Variants in VGLL4 observed in about 807,000 individuals in gnomAD.
VGLL4 encodes the protein transcription cofactor vestigial-like protein 4.
VGLL4 carries 7 observed loss-of-function variants against 21.0 expected under a neutral mutation model. That is an observed-to-expected ratio of 0.33 (90% CI 0.19 to 0.63). The LOEUF is 0.63. Among genes scored for constraint, VGLL4 ranks in the 20% least tolerant of loss-of-function variants. VGLL4 has a pLI of 0.78. For missense variants in VGLL4, 394 were observed against 425.7 expected (o/e 0.93, Z 0.66); for synonymous variants, 222 against 173.2 (o/e 1.28, Z -2.21).
chr3:11,601,791 C>G (rs1321021322), intron 2 of VGLL4, 42 bp downstream of exon 2: 2 of 1,606,516 alleles, frequency 1.2e-6, no homozygotes, highest in African/African-American at 1.3e-5. Context: ...AAGGCCCCAG[C>G]ACGGAGCACC....
intron 2 of VGLL4, among the ~76,000 whole-genome samples, chr3:11,674,290 G>C (rs2076259077): frequency 6.6e-6 from 1 of 152,110 alleles, no homozygotes; most frequent in African/African-American, 2.4e-5. Flanking sequence ...ACAGCACATG[G>C]GAGAAAAGTG....
intron 1 of VGLL4, among the ~76,000 whole-genome samples, chr3:11,713,590 A>ATC (rs1553747940): frequency 1.4e-5 from 2 of 139,116 alleles, no homozygotes; most frequent in Admixed American, 1.5e-4. Context: ...ATATATATAT[A>ATC]TCTGCATAAA....
At chr3:11,675,575 G>C (rs952407012) in intron 2 of VGLL4, among the ~76,000 whole-genome samples, 2 of 152,020 alleles carry the variant, frequency 1.3e-5, no homozygotes, top group African/African-American at 2.4e-5. Context: ...AAATATAAAA[G>C]TGTAATATAT....
upstream of VGLL4, among the ~76,000 whole-genome samples, chr3:11,648,401 T>A (rs2075823257): frequency 6.6e-6 from 1 of 152,210 alleles, no homozygotes; most frequent in South Asian, 2.1e-4. Flanking sequence ...TTTAGATGCT[T>A]TTAAAGTAAG....
At chr3:11,624,635 T>A (rs931028312) in intron 1 of VGLL4, among the ~76,000 whole-genome samples, 1 of 152,176 alleles carries the variant, frequency 6.6e-6, no homozygotes, top group African/African-American at 2.4e-5. Context: ...CTGCCTTCTA[T>A]TCCTATAAGG....
At chr3:11,630,443 G>C (rs1332644917) in intron 1 of VGLL4, among the ~76,000 whole-genome samples, 2 of 152,138 alleles carry the variant, frequency 1.3e-5, no homozygotes, top group South Asian at 4.1e-4. Flanking sequence ...TCAGGACTTC[G>C]AAACCAGCCT....
Position 11,568,833 on chromosome 3 carries a change from CTGAG to C in VGLL4, c.273-3818_273-3815del. ...CATCCCCGCGAACACCCAAAGGACT[CTGAG>C]TGGCTCCGTGCCAGGCCTATCAGAG... On this transcript the variant is annotated intron_variant, in intron 2 of 4. Transcript: ENST00000430365. This position sits in a 1 kb window ranked among gnomAD's most constrained non-coding sequence, Gnocchi z 5.9. 1 of 1,409,488 alleles carries C rather than the reference CTGAG, an allele frequency of 7.1e-7. No individual in the cohort carries two copies. The highest frequency in any genetic ancestry group is 2.7e-5 in the East Asian group (1 of 37,384). The allele number at this position is 1,409,488 out of a possible 1,614,324, so 87.3% of individuals were successfully genotyped here.
intron 2 of VGLL4, chr3:11,582,209 G>T (rs2074246621): frequency 1.1e-5 from 16 of 1,515,428 alleles, no homozygotes; most frequent in Non-Finnish European, 1.4e-5. Context: ...ATTAATTACA[G>T]CTGAAAATAC....
intron 2 of VGLL4, among the ~76,000 whole-genome samples, chr3:11,594,386 T>C (rs183891612): frequency 1.1e-4 from 16 of 152,340 alleles, no homozygotes; most frequent in Admixed American, 5.2e-4. Flanking sequence ...CTACCTAGTG[T>C]AAAGGGTCAC....
At chr3:11,596,666 G>T (rs1346090517) in intron 2 of VGLL4, among the ~76,000 whole-genome samples, 1 of 152,170 alleles carries the variant, frequency 6.6e-6, no homozygotes, top group East Asian at 1.9e-4. Context: ...GAAATGTTCT[G>T]TATCTGTGCT....
At chr3:11,595,343 C>T (rs1447242325) in intron 2 of VGLL4, among the ~76,000 whole-genome samples, 1 of 152,096 alleles carries the variant, frequency 6.6e-6, no homozygotes, top group East Asian at 1.9e-4. Flanking sequence ...ACAACAGGTG[C>T]TGGAGAGGAT....
intron 1 of VGLL4, among the ~76,000 whole-genome samples, chr3:11,637,797 C>T (rs537089089): frequency 1.3e-5 from 2 of 152,044 alleles, no homozygotes; most frequent in Non-Finnish European, 2.9e-5. Context: ...TAAGCAACCA[C>T]GGTTAGGATT....
intron 2 of VGLL4, among the ~76,000 whole-genome samples, chr3:11,665,206 T>C (rs2088503): frequency 0.57 from 81,789 of 142,568 alleles, 23,468 homozygotes; most frequent in Non-Finnish European, 0.62. Context: ...CTCCGCCTCC[T>C]GGGTTCACGC....
intron 1 of VGLL4, among the ~76,000 whole-genome samples, chr3:11,604,141 C>T (rs889835136): frequency 3.0e-4 from 46 of 152,218 alleles, no homozygotes; most frequent in Non-Finnish European, 4.6e-4. Flanking sequence ...CATGAAGGCA[C>T]TCCAGGTGTC....
intron 1 of VGLL4, among the ~76,000 whole-genome samples, chr3:11,711,702 G>A (rs568369756): frequency 1.3e-5 from 2 of 152,126 alleles, no homozygotes; most frequent in Non-Finnish European, 2.9e-5. Flanking sequence ...GGGTGACAGA[G>A]GGAGACCCTG....
intron 1 of VGLL4, among the ~76,000 whole-genome samples, chr3:11,714,269 A>C (rs1157710715): frequency 2.0e-5 from 3 of 152,162 alleles, no homozygotes; most frequent in African/African-American, 7.2e-5. Context: ...AAAGTGTCCC[A>C]TGGAAAGTGA....
upstream of VGLL4, among the ~76,000 whole-genome samples, chr3:11,645,238 T>C (rs1490522889): frequency 6.6e-6 from 1 of 151,396 alleles, no homozygotes; most frequent in African/African-American, 2.4e-5. Flanking sequence ...TCTAAAAATA[T>C]ATTTTTAATA....
In VGLL4 at chr3:11,558,388, A is replaced by G; in HGVS notation, c.*168T>C. ...TGAGGGCCCCCTTGTACGGATACCA[A>G]GCAAGTACAAAAACAGAACACAAAT... On this transcript the variant is annotated 3_prime_UTR_variant, in exon 5 of 5. Coordinates refer to ENST00000430365, the MANE Select transcript of VGLL4 (RefSeq NM_001128219.3). The G allele has an allele frequency of 1.7e-6, 2 of 1,153,656 alleles. No homozygotes were observed. Among genetic ancestry groups the G allele is most frequent in the Non-Finnish European group, 2.4e-6 (2 of 842,398 alleles). The allele number at this position is 1,153,656 out of a possible 1,614,324, so 71.5% of individuals were successfully genotyped here.
chr3:11,614,015 A>G (rs1193582271), intron 1 of VGLL4, among the ~76,000 whole-genome samples: 7 of 152,194 alleles, frequency 4.6e-5, no homozygotes, highest in Non-Finnish European at 7.3e-5. Context: ...CAGCTGCCTG[A>G]CTTTCTATGA....
Sources: gnomAD v4.1 joint callset for allele counts (sites outside exome capture counted in the v4.1 genomes callset) on GRCh38, gnomAD v4.1.1 for gene constraint, Gnocchi (gnomAD v3.1) non-coding constraint, MANE v1.5 for transcripts, NCBI Gene and HGNC (gene_info 2026-07-23, HGNC 2026-07-21) for gene names.